The following ZBTB7C variants were observed in gnomAD, a reference collection of about 807,000 sequenced individuals.
ZBTB7C encodes zinc finger and BTB domain containing 7C.
A neutral mutation model predicts 25.7 loss-of-function variants in ZBTB7C; 8 were observed. The ratio of observed to expected loss-of-function variants is 0.31; its 90% CI spans 0.18 to 0.56. The LOEUF (loss-of-function observed/expected upper bound fraction) is 0.56, where lower values mean the gene tolerates loss of function less well. Among genes scored for constraint, ZBTB7C ranks in the 20% least tolerant of loss-of-function variants. The probability of loss-of-function intolerance (pLI) is 0.91; values close to 1 mark genes in which losing one functional copy is unlikely to be tolerated. For synonymous variants in ZBTB7C, 394 were observed against 369.0 expected (o/e 1.07, Z -0.78); for missense variants, 824 against 855.2 (o/e 0.96, Z 0.46).
rs190284739 is a variant in ZBTB7C at position 48,168,803 on chromosome 18, T to C, written c.-17+17131A>G. 8.3e-4 allele frequency among the ~76,000 whole-genome samples: 127 copies of C among 152,376 alleles called. 1 individual carries two copies. The highest frequency in any genetic ancestry group is 2.7e-3 in the African/African-American group (114 of 41,584). Reference sequence around the variant, plus strand: ...AAGGATAATGTTGGTCTTCTGTCTCTTGAATCAGGCATAAACATGGCTTCT... The same window carrying C: ...AAGGATAATGTTGGTCTTCTGTCTCCTGAATCAGGCATAAACATGGCTTCT... On this transcript the variant is annotated intron_variant, in intron 3 of 4. Coordinates refer to ENST00000590800, the MANE Select transcript of ZBTB7C (RefSeq NM_001318841.2).
chr18:48,260,638 G>A (rs917716588), intron 2 of ZBTB7C, among the ~76,000 whole-genome samples: 3 of 152,158 alleles, frequency 2.0e-5, no homozygotes, highest in South Asian at 2.1e-4. Context: ...GCTCCCTTCC[G>A]GTCAGGGAGA....
At chr18:48,068,525 CATCT>C (rs2037422075) in intron 3 of ZBTB7C, among the ~76,000 whole-genome samples, 2 of 152,178 alleles carry the variant, frequency 1.3e-5, no homozygotes, top group Admixed American at 1.3e-4. Context: ...AAAACACCAG[CATCT>C]AGACCCCAAC....
intron 3 of ZBTB7C, among the ~76,000 whole-genome samples, chr18:48,128,767 C>T (rs528956168): frequency 1.3e-4 from 20 of 152,294 alleles, no homozygotes; most frequent in African/African-American, 3.9e-4. Flanking sequence ...ATGTATACTA[C>T]TTGGGTGAGG....
intron 1 of ZBTB7C, among the ~76,000 whole-genome samples, chr18:48,351,861 C>T (rs571956600): frequency 6.6e-5 from 10 of 152,148 alleles, no homozygotes; most frequent in African/African-American, 2.4e-4. Flanking sequence ...ATCCTACCCT[C>T]GGGGAGATTT....
intron 2 of ZBTB7C, among the ~76,000 whole-genome samples, chr18:48,211,631 C>T (rs1160295698): frequency 6.6e-6 from 1 of 152,126 alleles, no homozygotes; most frequent in Non-Finnish European, 1.5e-5. Context: ...ATTAAAACAA[C>T]AAGGAGACAC....
chr18:48,128,555 C>A (rs1044754384), intron 3 of ZBTB7C, among the ~76,000 whole-genome samples: 1 of 152,350 alleles, frequency 6.6e-6, no homozygotes, highest in African/African-American at 2.4e-5. Flanking sequence ...TCTTTTGTAG[C>A]AACTTGGATG....
chr18:48,178,681 G>A lies in ZBTB7C; in HGVS notation c.-17+7253C>T, dbSNP rs117897979. Among the ~76,000 whole-genome samples the A allele has an allele frequency of 2.4e-3, 364 of 152,244 alleles. 2 individuals are homozygous for A. Among genetic ancestry groups the A allele is most frequent in the Non-Finnish European group, 3.9e-3 (268 of 68,018 alleles). On this transcript the variant is annotated intron_variant, in intron 3 of 4. Transcript: ENST00000590800. ...AATATTAGCTGATGCCTGTCGCATC[G>A]TCAGAGCGGGTCTGGCAACTTCTCT...
chr18:48,194,671 G>C (rs904688643), intron 2 of ZBTB7C, among the ~76,000 whole-genome samples: 36 of 152,292 alleles, frequency 2.4e-4, no homozygotes, highest in African/African-American at 8.4e-4. Flanking sequence ...AGCATCACCA[G>C]GGCAGTGAGT....
intron 3 of ZBTB7C, among the ~76,000 whole-genome samples, chr18:48,182,112 C>T (rs922050136): frequency 2.2e-4 from 33 of 152,276 alleles, no homozygotes; most frequent in African/African-American, 7.9e-4. Flanking sequence ...GATGCTTTAT[C>T]TGGTTGCAGG....
intron 2 of ZBTB7C, among the ~76,000 whole-genome samples, chr18:48,261,140 G>A (rs1311892982): frequency 6.6e-6 from 1 of 152,168 alleles, no homozygotes; most frequent in Non-Finnish European, 1.5e-5. Flanking sequence ...TTAATTCATC[G>A]GATAAACGTC....
At chr18:48,360,352 T>C (rs4940357) in intron 1 of ZBTB7C, among the ~76,000 whole-genome samples, 45,524 of 152,106 alleles carry the variant, frequency 0.3, 7,979 homozygotes, top group East Asian at 0.7. Flanking sequence ...ATTTAGACAA[T>C]GAATATTTCT....
At chr18:48,386,960 C>T (rs1349005084) in intron 1 of ZBTB7C, among the ~76,000 whole-genome samples, 3 of 152,180 alleles carry the variant, frequency 2.0e-5, no homozygotes, top group African/African-American at 4.8e-5. Context: ...TCTCACTCCA[C>T]GGTGCTATAG....
At chr18:48,163,012 G>A (rs2041119799) in intron 3 of ZBTB7C, among the ~76,000 whole-genome samples, 1 of 152,218 alleles carries the variant, frequency 6.6e-6, no homozygotes, top group Admixed American at 6.5e-5. Context: ...TGGGATGTCA[G>A]GCACTGGTGG....
At chr18:48,181,648 G>A (rs77589956) in intron 3 of ZBTB7C, among the ~76,000 whole-genome samples, 6,612 of 152,168 alleles carry the variant, frequency 0.043, 168 homozygotes, top group Middle Eastern at 0.092. Context: ...GCTGCCCTCT[G>A]GCTGTCCTGT....
At chr18:48,085,526 A>G (rs2038160442) in intron 3 of ZBTB7C, among the ~76,000 whole-genome samples, 1 of 152,212 alleles carries the variant, frequency 6.6e-6, no homozygotes, top group Non-Finnish European at 1.5e-5. Context: ...GACTCTGAGC[A>G]AGTGACTGAA....
At chr18:48,392,313 C>CT (rs1253197925) in intron 1 of ZBTB7C, among the ~76,000 whole-genome samples, 1 of 152,126 alleles carries the variant, frequency 6.6e-6, no homozygotes. Context: ...ATGAAATGCT[C>CT]TTTTTTTGTC....
At chr18:48,346,706 A>T (rs1435613327) in intron 1 of ZBTB7C, 1 of 152,230 alleles carries the variant, frequency 6.6e-6, no homozygotes, top group Non-Finnish European at 1.5e-5. Context: ...GAGCTGACCA[A>T]CCACGGAGGC....
intron 3 of ZBTB7C, among the ~76,000 whole-genome samples, chr18:48,086,412 C>CGTAGAAA (rs2144518683): frequency 6.6e-6 from 1 of 152,320 alleles, no homozygotes; most frequent in South Asian, 2.1e-4. Context: ...GCTCCAGAGC[C>CGTAGAAA]TGCATTTCTA....
intron 3 of ZBTB7C, among the ~76,000 whole-genome samples, chr18:48,130,838 C>T (rs1037056647): frequency 6.6e-6 from 1 of 152,308 alleles, no homozygotes; most frequent in African/African-American, 2.4e-5. Context: ...CACCCGGTGG[C>T]CTCCCTTGAG....
Sources: gnomAD v4.1 joint callset for allele counts (sites outside exome capture counted in the v4.1 genomes callset) on GRCh38, gnomAD v4.1.1 for gene constraint, MANE v1.5 for transcripts, NCBI Gene and HGNC (gene_info 2026-07-23, HGNC 2026-07-21) for gene names.